AOAH: variants seen among roughly 807,000 people sequenced by gnomAD.
The protein encoded by AOAH is acyloxyacyl hydrolase.
AOAH carries 64 observed loss-of-function variants against 92.2 expected under a neutral mutation model. That is an observed-to-expected ratio of 0.69 (90% CI 0.57 to 0.86). The LOEUF is 0.86. Ranked by LOEUF, AOAH falls within the 40% of genes least tolerant of loss-of-function variation. The probability of loss-of-function intolerance (pLI) is 0.00; values close to 1 mark genes in which losing one functional copy is unlikely to be tolerated. For missense variants in AOAH, 656 were observed against 694.6 expected, an observed-to-expected ratio of 0.94 and a Z score of 0.62; for synonymous variants, 263 against 254.5, an observed-to-expected ratio of 1.03 and a Z score of -0.32.
At chr7:36,589,631 CT>C (rs1393249854) in intron 12 of AOAH, among the ~76,000 whole-genome samples, 1 of 152,202 alleles carries the variant, frequency 6.6e-6, no homozygotes, top group Non-Finnish European at 1.5e-5. Context: ...TCTAGTCCAA[CT>C]TAACTTGAGC....
intron 15 of AOAH, among the ~76,000 whole-genome samples, chr7:36,548,150 G>C (rs1785924887): frequency 6.6e-6 from 1 of 152,184 alleles, no homozygotes; most frequent in Non-Finnish European, 1.5e-5. Flanking sequence ...GAGGCTTTCA[G>C]CGTGACAGAT....
intron 1 of AOAH, among the ~76,000 whole-genome samples, chr7:36,700,669 CA>C (rs942483696): frequency 6.6e-6 from 1 of 151,936 alleles, no homozygotes; most frequent in African/African-American, 2.4e-5. Flanking sequence ...TATTCTGATA[CA>C]ATGATTTCTT....
rs1290540003 is a variant in AOAH at position 36,674,046 on chromosome 7, A to T, written c.224-37T>A. 12 of 1,242,404 alleles carry T rather than the reference A, an allele frequency of 9.7e-6. No homozygotes were observed. The South Asian group carries it at 1.5e-4, about 15-fold the overall frequency. The allele number at this position is 1,242,404 out of a possible 1,614,324, so 77.0% of individuals were successfully genotyped here. A position where few individuals can be genotyped will look rare whatever the true frequency, so the allele number is the denominator to read the frequency against. Reference sequence around the variant, plus strand: ...AAAGAGGGAAATTGAATATATTTTTATTGCGACGAATTTAACACACCTTAA... The same window carrying T: ...AAAGAGGGAAATTGAATATATTTTTTTTGCGACGAATTTAACACACCTTAA... On this transcript the variant is annotated intron_variant, in intron 2 of 20. Coordinates refer to ENST00000617537, the MANE Select transcript of AOAH (RefSeq NM_001637.4).
At chr7:36,569,985 TTATC>T (rs1048332667) in intron 13 of AOAH, among the ~76,000 whole-genome samples, 86 of 152,314 alleles carry the variant, frequency 5.6e-4, no homozygotes, top group African/African-American at 2.0e-3. Flanking sequence ...TTTTTGTCTT[TTATC>T]TATTTTTTTG....
At chr7:36,538,291 T>A (rs1785214058) in intron 16 of AOAH, among the ~76,000 whole-genome samples, 1 of 152,068 alleles carries the variant, frequency 6.6e-6, no homozygotes. Flanking sequence ...CCTCCCAAAT[T>A]GCTAAGATTA....
At chr7:36,553,459 G>A (rs1440207339) in intron 13 of AOAH, among the ~76,000 whole-genome samples, 2 of 151,620 alleles carry the variant, frequency 1.3e-5, no homozygotes, top group Admixed American at 6.6e-5. Context: ...GTGTGCATGT[G>A]TCTTTATAGC....
chr7:36,653,496 A>C (rs2116470191), intron 4 of AOAH, among the ~76,000 whole-genome samples: 1 of 152,300 alleles, frequency 6.6e-6, no homozygotes, highest in Non-Finnish European at 1.5e-5. Context: ...CTTTCCTGGT[A>C]GTTTGGATTC....
intron 11 of AOAH, among the ~76,000 whole-genome samples, chr7:36,612,709 C>T (rs1477468870): frequency 6.6e-6 from 1 of 152,130 alleles, no homozygotes; most frequent in Non-Finnish European, 1.5e-5. Context: ...AATTAACATG[C>T]CTATTTCACC....
At chr7:36,669,490 C>T (rs1270928232) in intron 3 of AOAH, among the ~76,000 whole-genome samples, 1 of 147,596 alleles carries the variant, frequency 6.8e-6, no homozygotes, top group Non-Finnish European at 1.5e-5. Context: ...TCAAGTGATT[C>T]TTCTGCCTCA....
chr7:36,696,438 C>T (rs1036899014), intron 1 of AOAH, among the ~76,000 whole-genome samples: 3 of 152,114 alleles, frequency 2.0e-5, no homozygotes, highest in African/African-American at 7.2e-5. Flanking sequence ...AATTTCTCTT[C>T]GCAATATTTT....
At chr7:36,659,094 C>T (rs41276021) in intron 4 of AOAH, 72 bp downstream of exon 4, 38,476 of 1,266,658 alleles carry the variant, frequency 0.03, 738 homozygotes, top group Middle Eastern at 0.059. Context: ...AAAAGCTAAG[C>T]CTCCCTTTCT....
chr7:36,517,228 C>CTTT (rs200489121), intron 20 of AOAH, among the ~76,000 whole-genome samples: 32 of 54,822 alleles, frequency 5.8e-4, no homozygotes, highest in African/African-American at 1.8e-3. Flanking sequence ...TTCTTTCTGT[C>CTTT]TCTCTCTCTC....
intron 16 of AOAH, among the ~76,000 whole-genome samples, chr7:36,538,910 G>T (rs1250058286): frequency 6.6e-6 from 1 of 152,206 alleles, no homozygotes; most frequent in Non-Finnish European, 1.5e-5. Flanking sequence ...ATCCTTATTG[G>T]TGGAGAATAG....
chr7:36,530,972 G>A (rs1459788623), intron 18 of AOAH, among the ~76,000 whole-genome samples: 1 of 151,160 alleles, frequency 6.6e-6, no homozygotes, highest in Non-Finnish European at 1.5e-5. Flanking sequence ...TTAGATATAC[G>A]ATGGCTCATC....
chr7:36,658,686 A>G (rs1001083462), intron 4 of AOAH, among the ~76,000 whole-genome samples: 12 of 152,210 alleles, frequency 7.9e-5, no homozygotes, highest in Admixed American at 6.5e-4. Context: ...ACTTCCCACA[A>G]TAAACCACTG....
intron 11 of AOAH, among the ~76,000 whole-genome samples, chr7:36,612,692 G>T (rs1201281514): frequency 6.6e-6 from 1 of 152,148 alleles, no homozygotes; most frequent in Non-Finnish European, 1.5e-5. Context: ...TTCATCTCTT[G>T]TTGGTGAATT....
intron 3 of AOAH, among the ~76,000 whole-genome samples, chr7:36,660,333 T>C (rs1234554468): frequency 1.3e-5 from 2 of 152,264 alleles, no homozygotes; most frequent in African/African-American, 4.8e-5. Context: ...TTTGTTTTTT[T>C]GACGCAGAGT....
chr7:36,576,736 C>A, intron 12 of AOAH, 80 bp from the exon 13 acceptor site: 1 of 669,168 alleles, frequency 1.5e-6, no homozygotes, highest in Non-Finnish European at 2.4e-6. Context: ...TTACATCACG[C>A]TTTTAAAAAA....
chr7:36,538,279 G>A (rs778294129), intron 16 of AOAH, among the ~76,000 whole-genome samples: 4 of 151,802 alleles, frequency 2.6e-5, no homozygotes, highest in African/African-American at 7.3e-5. Context: ...CACCCACCTC[G>A]GCCTCCCAAA....
Sources: gnomAD v4.1 joint callset for allele counts (sites outside exome capture counted in the v4.1 genomes callset) on GRCh38, gnomAD v4.1.1 for gene constraint, MANE v1.5 for transcripts, NCBI Gene and HGNC (gene_info 2026-07-23, HGNC 2026-07-21) for gene names.